The following GALNT13 variants were observed in gnomAD, a reference collection of about 807,000 sequenced individuals.
GALNT13 encodes the protein polypeptide N-acetylgalactosaminyltransferase 13.
Under a neutral mutation model 64.2 loss-of-function variants are expected in GALNT13, and 28 were observed. The observed-to-expected ratio is 0.44, with a 90% CI of 0.32 to 0.60. The LOEUF is 0.60. GALNT13 is among the 20% of genes least tolerant of loss of function. The pLI is 0.05. For synonymous variants in GALNT13, 214 were observed against 224.6 expected, an observed-to-expected ratio of 0.95 and a Z score of 0.42; for missense variants, 577 against 669.8, an observed-to-expected ratio of 0.86 and a Z score of 1.53.
the GALNT13 span, among the ~76,000 whole-genome samples, chr2:153,855,947 T>C: frequency 1.3e-5 from 2 of 152,158 alleles, no homozygotes; most frequent in Non-Finnish European, 1.5e-5. Flanking sequence ...CTTGAAAACA[T>C]TATATTAAAG....
intron 12 of GALNT13, among the ~76,000 whole-genome samples, chr2:154,441,219 A>G (rs1701278155): frequency 3.9e-5 from 6 of 152,144 alleles, no homozygotes. Flanking sequence ...CATGAATACA[A>G]TTTGGAAAAT....
Position 154,242,754 on chromosome 2 carries a change from A to T in GALNT13, c.535A>T (p.Ile179Phe), listed in dbSNP as rs138158527. Residue 179 changes from isoleucine (I) to phenylalanine (F), a missense_variant, in exon 6 of 13, where the codon ATT (isoleucine) becomes TTT (phenylalanine). Ile to Phe is a conservative substitution (Grantham distance 21). Around this residue, in one of 3 missense-constraint regions of GALNT13, gnomAD observed 341 missense variants for 379.3 expected, o/e 0.90. Coordinates refer to ENST00000392825, the MANE Select transcript of GALNT13 (RefSeq NM_052917.4). ...GAAAAATTTAGAAGTGCCAGTAAAAATTATTAGGATGGAAGAACGCTCTGG... is the reference window on the plus strand; with the variant it reads ...GAAAAATTTAGAAGTGCCAGTAAAATTTATTAGGATGGAAGAACGCTCTGG... ...YVKNLEVPVK[I>F]IRMEERSGLI... 1 of 1,614,012 alleles carries T rather than the reference A, an allele frequency of 6.2e-7. No homozygotes were observed. The highest frequency in any genetic ancestry group is 8.5e-7 in the Non-Finnish European group (1 of 1,179,852).
chr2:154,201,861 T>G (rs1258436669), intron 4 of GALNT13, among the ~76,000 whole-genome samples: 1 of 152,154 alleles, frequency 6.6e-6, no homozygotes, highest in East Asian at 1.9e-4. Flanking sequence ...TAAGTCCTTG[T>G]TCCATTAGAG....
chr2:154,188,353 A>C (rs182731512), intron 4 of GALNT13, among the ~76,000 whole-genome samples: 40 of 152,322 alleles, frequency 2.6e-4, no homozygotes, highest in African/African-American at 9.6e-4. Flanking sequence ...GATACTAGGC[A>C]GACAAAATAT....
At chr2:154,051,107 A>T (rs949320683) in intron 3 of GALNT13, among the ~76,000 whole-genome samples, 1 of 152,126 alleles carries the variant, frequency 6.6e-6, no homozygotes, top group Non-Finnish European at 1.5e-5. Flanking sequence ...AATAATATCC[A>T]TCATATCATC....
At chr2:153,562,713 C>G in the GALNT13 span, among the ~76,000 whole-genome samples, 10 of 151,984 alleles carry the variant, frequency 6.6e-5, no homozygotes, top group Non-Finnish European at 1.3e-4. Flanking sequence ...TATTTTGGTT[C>G]AATTCAAAAT....
At chr2:153,945,509 A>G (rs980347224) in intron 3 of GALNT13, among the ~76,000 whole-genome samples, 2 of 152,172 alleles carry the variant, frequency 1.3e-5, no homozygotes, top group Non-Finnish European at 2.9e-5. Flanking sequence ...GCAAGCTTCA[A>G]TTGAAGTATC....
the GALNT13 span, among the ~76,000 whole-genome samples, chr2:153,260,257 G>C: frequency 6.6e-6 from 1 of 151,974 alleles, no homozygotes; most frequent in Non-Finnish European, 1.5e-5. Flanking sequence ...CAGTTATTGG[G>C]TTATAAAATT....
chr2:153,401,496 T>A, the GALNT13 span, among the ~76,000 whole-genome samples: 5 of 148,872 alleles, frequency 3.4e-5, no homozygotes, highest in Non-Finnish European at 7.4e-5. Context: ...ACTTTCTGTC[T>A]CGTTGATCTG....
the GALNT13 span, among the ~76,000 whole-genome samples, chr2:153,557,803 C>A: frequency 6.6e-6 from 1 of 152,184 alleles, no homozygotes; most frequent in Non-Finnish European, 1.5e-5. Flanking sequence ...CATCTAACTT[C>A]ATTCTCCCTC....
At chr2:153,697,235 T>A in the GALNT13 span, among the ~76,000 whole-genome samples, 4 of 152,244 alleles carry the variant, frequency 2.6e-5, no homozygotes, top group East Asian at 3.9e-4. Context: ...TAATTCCTGA[T>A]GCTGAATTCT....
intron 11 of GALNT13, among the ~76,000 whole-genome samples, chr2:154,422,860 A>AT (rs1301910957): frequency 6.6e-6 from 1 of 151,810 alleles, no homozygotes; most frequent in Non-Finnish European, 1.5e-5. Context: ...AAGAGACCTG[A>AT]TTTTTTTTCT....
chr2:154,246,965 G>T (rs1021630333), intron 7 of GALNT13, among the ~76,000 whole-genome samples: 8 of 151,954 alleles, frequency 5.3e-5, no homozygotes, highest in African/African-American at 1.9e-4. Flanking sequence ...TAAAATCCAT[G>T]ATCTGAACAA....
At chr2:153,455,622 T>C in the GALNT13 span, among the ~76,000 whole-genome samples, 1 of 152,296 alleles carries the variant, frequency 6.6e-6, no homozygotes, top group East Asian at 1.9e-4. Flanking sequence ...TCCGCAGCAG[T>C]ATCCGGGCAG....
chr2:154,080,498 A>G (rs1124707), intron 3 of GALNT13, among the ~76,000 whole-genome samples: 28,228 of 151,544 alleles, frequency 0.19, 3,357 homozygotes, highest in Non-Finnish European at 0.26. Flanking sequence ...TAGACCCAAC[A>G]TTCAGTGGAA....
At chr2:153,073,450 AT>A in the GALNT13 span, among the ~76,000 whole-genome samples, 6 of 151,496 alleles carry the variant, frequency 4.0e-5, no homozygotes, top group African/African-American at 7.3e-5. Context: ...AACAGTGTAG[AT>A]TTTTTTTTCT....
chr2:153,390,448 CTTAAAG>C, the GALNT13 span, among the ~76,000 whole-genome samples: 59 of 151,822 alleles, frequency 3.9e-4, no homozygotes, highest in South Asian at 1.7e-3. Flanking sequence ...TAACCCAGAA[CTTAAAG>C]TTAAAAACAA....
At chr2:153,114,006 T>C in the GALNT13 span, among the ~76,000 whole-genome samples, 1 of 152,076 alleles carries the variant, frequency 6.6e-6, no homozygotes, top group East Asian at 1.9e-4. Flanking sequence ...TTGTTGCCAA[T>C]ACCAGCCATT....
chr2:154,072,031 G>A (rs1700764088), intron 3 of GALNT13, among the ~76,000 whole-genome samples: 1 of 152,074 alleles, frequency 6.6e-6, no homozygotes, highest in African/African-American at 2.4e-5. Context: ...CGAATATCCA[G>A]AAAAAGGAAG....
Sources: allele counts gnomAD v4.1 joint callset (sites outside exome capture counted in the v4.1 genomes callset), GRCh38; gene constraint gnomAD v4.1.1; regional missense constraint gnomAD v4.1.1; transcripts MANE v1.5; gene names NCBI Gene and HGNC (gene_info 2026-07-23, HGNC 2026-07-21).